TMEM232: variants seen among roughly 807,000 people sequenced by gnomAD.
TMEM232 encodes transmembrane protein 232.
Under a neutral mutation model 78.8 loss-of-function variants are expected in TMEM232, and 80 were observed. The ratio of observed to expected loss-of-function variants is 1.01; its 90% CI spans 0.85 to 1.22. The LOEUF (loss-of-function observed/expected upper bound fraction) is 1.22, where lower values mean the gene tolerates loss of function less well. Among genes scored for constraint, TMEM232 ranks in the 50% most tolerant of loss-of-function variants. TMEM232 has a pLI of 0.00. For missense variants in TMEM232, 881 were observed against 742.2 expected (o/e 1.19, Z -2.17); for synonymous variants, 297 against 254.3 (o/e 1.17, Z -1.60).
chr5:110,725,223 A>G (rs1798037042), intron 1 of TMEM232, among the ~76,000 whole-genome samples: 1 of 152,224 alleles, frequency 6.6e-6, no homozygotes, highest in African/African-American at 2.4e-5. Context: ...ACTGGATTAG[A>G]CAAAAATAAG....
chr5:110,703,673 A>G (rs1795653471), intron 1 of TMEM232, among the ~76,000 whole-genome samples: 1 of 152,114 alleles, frequency 6.6e-6, no homozygotes, highest in African/African-American at 2.4e-5. Context: ...GAAAATATTT[A>G]TTTTGGAACA....
chr5:110,718,846 A>G (rs1797291190), intron 1 of TMEM232, among the ~76,000 whole-genome samples: 1 of 151,996 alleles, frequency 6.6e-6, no homozygotes, highest in Admixed American at 6.6e-5. Context: ...CTTCAAGTAC[A>G]CTGATTATTT....
intron 10 of TMEM232, among the ~76,000 whole-genome samples, chr5:110,598,655 T>C (rs1780488685): frequency 6.6e-6 from 1 of 151,882 alleles, no homozygotes. Context: ...ATGTGGCACA[T>C]ATACACCATG....
At chr5:110,413,598 C>G (rs908252115) in intron 2 of TMEM232, among the ~76,000 whole-genome samples, 1 of 152,188 alleles carries the variant, frequency 6.6e-6, no homozygotes, top group Non-Finnish European at 1.5e-5. Flanking sequence ...AATTTCATCT[C>G]CTCTCCATCC....
intron 11 of TMEM232, among the ~76,000 whole-genome samples, chr5:110,547,901 G>A (rs6862352): frequency 0.013 from 1,990 of 151,152 alleles, 39 homozygotes; most frequent in African/African-American, 0.045. Flanking sequence ...AGGAGTCTGA[G>A]GCAGGAGAAT....
At chr5:110,502,386 A>C (rs1195770481) in intron 12 of TMEM232, among the ~76,000 whole-genome samples, 1 of 152,224 alleles carries the variant, frequency 6.6e-6, no homozygotes, top group African/African-American at 2.4e-5. Context: ...GAGTAGAAGG[A>C]CAAGTTTTAG....
chr5:110,665,394 C>T (rs189379124), intron 2 of TMEM232, among the ~76,000 whole-genome samples: 43 of 152,176 alleles, frequency 2.8e-4, no homozygotes, highest in African/African-American at 1.0e-3. Context: ...AAAGATACGA[C>T]TTGAGACTGG....
chr5:110,483,329 C>T (rs986691814), intron 12 of TMEM232, among the ~76,000 whole-genome samples: 1 of 152,046 alleles, frequency 6.6e-6, no homozygotes, highest in African/African-American at 2.4e-5. Flanking sequence ...GAGATAACAT[C>T]TCACACAACT....
At chr5:110,569,676 C>T (rs778816198) in intron 10 of TMEM232, among the ~76,000 whole-genome samples, 2 of 151,752 alleles carry the variant, frequency 1.3e-5, no homozygotes, top group African/African-American at 2.4e-5. Context: ...TCAACTTTTC[C>T]AAATGAATCT....
chr5:110,707,325 A>T (rs1258033154), intron 1 of TMEM232, among the ~76,000 whole-genome samples: 1 of 152,208 alleles, frequency 6.6e-6, no homozygotes, highest in East Asian at 1.9e-4. Flanking sequence ...ATGGCACAGA[A>T]AAAGAATGTG....
intron 1 of TMEM232, among the ~76,000 whole-genome samples, chr5:110,704,130 G>A (rs953710622): frequency 2.0e-5 from 3 of 152,016 alleles, no homozygotes; most frequent in Admixed American, 6.6e-5. Flanking sequence ...TTTTTACAGT[G>A]CACTGCTGAG....
intron 1 of TMEM232, among the ~76,000 whole-genome samples, chr5:110,700,657 G>T (rs1178935999): frequency 6.6e-6 from 1 of 151,930 alleles, no homozygotes; most frequent in Admixed American, 6.6e-5. Context: ...ATAAAAGAAA[G>T]AAGAGGTATG....
At chr5:110,497,306 A>G (rs1765751338) in intron 12 of TMEM232, among the ~76,000 whole-genome samples, 1 of 152,138 alleles carries the variant, frequency 6.6e-6, no homozygotes, top group Non-Finnish European at 1.5e-5. Context: ...ATTATTATAG[A>G]TTTCACAGAA....
At chr5:110,410,166 G>C in intron 2 of TMEM232, among the ~76,000 whole-genome samples, 1 of 151,346 alleles carries the variant, frequency 6.6e-6, no homozygotes, top group East Asian at 1.9e-4. Context: ...TTCTCACCAA[G>C]TTCCAGCATG....
intron 1 of TMEM232, among the ~76,000 whole-genome samples, chr5:110,681,645 G>C (rs899544403): frequency 4.6e-5 from 7 of 152,182 alleles, no homozygotes; most frequent in Non-Finnish European, 8.8e-5. Flanking sequence ...CTTTGAAGTA[G>C]AGTGGAATAT....
intron 12 of TMEM232, among the ~76,000 whole-genome samples, chr5:110,473,298 A>C (rs1317978390): frequency 6.6e-6 from 1 of 151,934 alleles, no homozygotes; most frequent in Non-Finnish European, 1.5e-5. Context: ...TTTCAAAAGA[A>C]GACATACAAA....
intron 1 of TMEM232, among the ~76,000 whole-genome samples, chr5:110,736,752 T>A (rs753919341): frequency 6.6e-6 from 1 of 152,058 alleles, no homozygotes; most frequent in Non-Finnish European, 1.5e-5. Context: ...ATTACTCCTC[T>A]ACTCTCAAAA....
chr5:110,611,916 G>A (rs1357891082), intron 8 of TMEM232, among the ~76,000 whole-genome samples: 1 of 152,132 alleles, frequency 6.6e-6, no homozygotes, highest in Non-Finnish European at 1.5e-5. Context: ...GTCAGATCCT[G>A]AATTGGATGG....
At chr5:110,537,446 C>A (rs1269485981) in intron 11 of TMEM232, among the ~76,000 whole-genome samples, 1 of 152,072 alleles carries the variant, frequency 6.6e-6, no homozygotes, top group African/African-American at 2.4e-5. Context: ...TATGTACAGA[C>A]CTTCATGGCC....
Sources: gnomAD v4.1 joint callset for allele counts (sites outside exome capture counted in the v4.1 genomes callset) on GRCh38, gnomAD v4.1.1 for gene constraint, MANE v1.5 for transcripts, NCBI Gene and HGNC (gene_info 2026-07-23, HGNC 2026-07-21) for gene names.